The following PTER variants were observed in gnomAD, a reference collection of about 807,000 sequenced individuals.
The protein encoded by PTER is phosphotriesterase related.
A neutral mutation model predicts 29.6 loss-of-function variants in PTER; 38 were observed. That is an observed-to-expected ratio of 1.28 (90% CI 0.99 to 1.68). PTER has a LOEUF of 1.68. Ranked by LOEUF, PTER falls within the 40% of genes most tolerant of loss-of-function variation. The probability of loss-of-function intolerance (pLI) is 0.00; values close to 1 mark genes in which losing one functional copy is unlikely to be tolerated. For missense variants in PTER, 482 were observed against 427.8 expected, an observed-to-expected ratio of 1.13 and a Z score of -1.12; for synonymous variants, 172 against 154.5, an observed-to-expected ratio of 1.11 and a Z score of -0.84.
rs1564390756 is a variant in PTER, at chr10:16,462,250, T to C, written c.-48-22087T>C. Reference sequence around the variant, plus strand: ...ATCCACCCGCCTCGGCCTCCCAAAGTGCTGGGATTACAGGTGTGAGCCACC... The same window carrying C: ...ATCCACCCGCCTCGGCCTCCCAAAGCGCTGGGATTACAGGTGTGAGCCACC... On this transcript the variant is annotated intron_variant, in intron 1 of 4. Coordinates refer to ENST00000535784, the MANE Select transcript of PTER (RefSeq NM_001261836.2). Among the ~76,000 whole-genome samples the C allele has an allele frequency of 1.3e-5, 2 of 152,270 alleles. 1 individual carries two copies. The highest frequency in any genetic ancestry group is 6.8e-3 in the Middle Eastern group (2 of 294).
At chr10:16,452,682 CCTT>C (rs1384745823) in intron 1 of PTER, among the ~76,000 whole-genome samples, 1 of 126,666 alleles carries the variant, frequency 7.9e-6, no homozygotes, top group Non-Finnish European at 1.8e-5. Flanking sequence ...TGATGATTCT[CCTT>C]CTCCTTCTCC....
At chr10:16,470,785 T>A (rs914175173) in intron 1 of PTER, among the ~76,000 whole-genome samples, 5 of 151,712 alleles carry the variant, frequency 3.3e-5, no homozygotes, top group African/African-American at 7.3e-5. Flanking sequence ...ACAAAAAAAA[T>A]TCTTCTTATG....
Position 16,468,058 on chromosome 10 carries a change from A to G in PTER, c.-48-16279A>G, listed in dbSNP as rs189207924. 2.4e-3 allele frequency among the ~76,000 whole-genome samples: 365 copies of G among 152,192 alleles called. 2 individuals carry two copies. Among genetic ancestry groups the G allele is most frequent in the African/African-American group, 8.0e-3 (332 of 41,544 alleles). On this transcript the variant is annotated intron_variant, in intron 1 of 4. Transcript: ENST00000535784. Reference sequence around the variant, plus strand: ...TATATTAAATAAAGATTCCAAGAAAATGGCCAGGCATGGTGGCTCATGACT... The same window carrying G: ...TATATTAAATAAAGATTCCAAGAAAGTGGCCAGGCATGGTGGCTCATGACT...
At chr10:16,504,730 A>T (rs1241226555) in intron 3 of PTER, among the ~76,000 whole-genome samples, 3 of 152,346 alleles carry the variant, frequency 2.0e-5, no homozygotes, top group African/African-American at 7.2e-5. Flanking sequence ...GTTCTGAGGG[A>T]GAATTCCAAA....
intron 1 of PTER, among the ~76,000 whole-genome samples, chr10:16,456,658 A>G (rs1834404718): frequency 6.6e-6 from 1 of 152,104 alleles, no homozygotes; most frequent in Non-Finnish European, 1.5e-5. Flanking sequence ...CAGTAGAGGT[A>G]CCCGCAGGGG....
intron 4 of PTER, among the ~76,000 whole-genome samples, chr10:16,508,070 C>CTTTTTTTTTTTTTT (rs56800279): frequency 5.5e-5 from 7 of 127,878 alleles, no homozygotes; most frequent in Admixed American, 8.3e-5. Context: ...TTTTCTTTTT[C>CTTTTTTTTTTTTTT]TTTTTTTTTT....
At chr10:16,504,940 T>A in intron 3 of PTER, 80 bp from the exon 4 acceptor site, 1 of 1,489,658 alleles carries the variant, frequency 6.7e-7, no homozygotes, top group Non-Finnish European at 9.2e-7. Context: ...TCTTGTACAT[T>A]GTGTGCTTAA....
At chr10:16,479,644 T>G (rs1571771) in intron 1 of PTER, among the ~76,000 whole-genome samples, 43,769 of 151,986 alleles carry the variant, frequency 0.29, 6,551 homozygotes, top group Middle Eastern at 0.44. Flanking sequence ...TTCTTAGAAG[T>G]CCATTTATTT....
intron 4 of PTER, among the ~76,000 whole-genome samples, chr10:16,509,247 T>G (rs148227643): frequency 2.6e-5 from 4 of 152,260 alleles, no homozygotes; most frequent in African/African-American, 9.6e-5. Flanking sequence ...GTTTTCTTCA[T>G]AGTCAGGATA....
chr10:16,490,409 C>T (rs1006453485), intron 3 of PTER, among the ~76,000 whole-genome samples: 1 of 151,982 alleles, frequency 6.6e-6, no homozygotes, highest in Non-Finnish European at 1.5e-5. Context: ...GTGTTGCCTT[C>T]CATATAAAGG....
intron 4 of PTER, among the ~76,000 whole-genome samples, chr10:16,509,203 G>A (rs1254053968): frequency 6.6e-6 from 1 of 152,170 alleles, no homozygotes; most frequent in Non-Finnish European, 1.5e-5. Flanking sequence ...CACAACAGGA[G>A]AGATGATCTT....
Position 16,510,989 on chromosome 10 carries a change from T to C in PTER, c.840-57T>C, listed in dbSNP as rs1347320539. 10 of 1,486,364 alleles carry C rather than the reference T, an allele frequency of 6.7e-6. No individual in the cohort carries two copies. In the African/African-American group the frequency reaches 7.0e-5, roughly 10 times the overall value. The allele number at this position is 1,486,364 out of a possible 1,614,324, so 92.1% of individuals were successfully genotyped here. ...GTTAATGAGTAAAAAGTTGAAAGCATCCTGAAAAGCGAAAATGAAAGACAA... is the reference window on the plus strand; with the variant it reads ...GTTAATGAGTAAAAAGTTGAAAGCACCCTGAAAAGCGAAAATGAAAGACAA... On this transcript the variant is annotated intron_variant, in intron 4 of 4. Coordinates refer to ENST00000535784, the MANE Select transcript of PTER (RefSeq NM_001261836.2).
chr10:16,510,074 G>C (rs1836753616), intron 4 of PTER, among the ~76,000 whole-genome samples: 2 of 152,072 alleles, frequency 1.3e-5, no homozygotes, highest in Non-Finnish European at 2.9e-5. Flanking sequence ...CGTCCGTCTA[G>C]ATCCACTTTA....
chr10:16,481,369 A>G (rs1023938890), intron 1 of PTER, among the ~76,000 whole-genome samples: 1 of 152,186 alleles, frequency 6.6e-6, no homozygotes, highest in Admixed American at 6.5e-5. Flanking sequence ...GGGGAAGGCC[A>G]TGAATAACCT....
chr10:16,474,597 AAG>A (rs1835187196), intron 1 of PTER, among the ~76,000 whole-genome samples: 1 of 152,106 alleles, frequency 6.6e-6, no homozygotes, highest in African/African-American at 2.4e-5. Context: ...ACCAAAAAAA[AAG>A]AAATTTGGTC....
intron 1 of PTER, among the ~76,000 whole-genome samples, chr10:16,437,922 T>G (rs1385697719): frequency 6.6e-6 from 1 of 152,034 alleles, no homozygotes; most frequent in Non-Finnish European, 1.5e-5. Context: ...GTAAGAGGGG[T>G]TGCTGATTTA....
chr10:16,477,348 T>A (rs1173386116), intron 1 of PTER, among the ~76,000 whole-genome samples: 2 of 142,074 alleles, frequency 1.4e-5, no homozygotes, highest in East Asian at 4.1e-4. Context: ...CATTTTATTT[T>A]ATTTTTTTTT....
chr10:16,468,274 A>C (rs1834917316), intron 1 of PTER, among the ~76,000 whole-genome samples: 1 of 152,112 alleles, frequency 6.6e-6, no homozygotes, highest in Non-Finnish European at 1.5e-5. Flanking sequence ...CCAGGGAGGC[A>C]GAGGTTGCAG....
At position 16,512,225 on chromosome 10, in the gene PTER, A is replaced by G. The variant is rs1836839573; in HGVS notation, c.*969A>G. ...TACTTGAGCCTCCTCTTTAAAAGGT[A>G]TCCAGCCCTGATATTTTGTGTAAAT... On this transcript the variant is annotated 3_prime_UTR_variant, in exon 5 of 5. Coordinates refer to ENST00000535784, the MANE Select transcript of PTER (RefSeq NM_001261836.2). 1 of 152,168 alleles carries G rather than the reference A, an allele frequency of 6.6e-6. No homozygotes were observed. Among genetic ancestry groups the G allele is most frequent in the Non-Finnish European group, 1.5e-5 (1 of 68,012 alleles). The allele number at this position is 152,168 out of a possible 1,614,324, so 9.4% of individuals were successfully genotyped here.
Sources: gnomAD v4.1 joint callset for allele counts (sites outside exome capture counted in the v4.1 genomes callset) on GRCh38, gnomAD v4.1.1 for gene constraint, MANE v1.5 for transcripts, NCBI Gene and HGNC (gene_info 2026-07-23, HGNC 2026-07-21) for gene names.